The following ATRNL1 variants were observed in gnomAD, a reference collection of about 807,000 sequenced individuals.
ATRNL1 encodes attractin like 1, also known as attractin-like protein 1.
ATRNL1 carries 95 observed loss-of-function variants against 182.7 expected under a neutral mutation model. The observed-to-expected ratio is 0.52, with a 90% CI of 0.44 to 0.62. The LOEUF (loss-of-function observed/expected upper bound fraction) is 0.62. Among genes scored for constraint, ATRNL1 ranks in the 20% least tolerant of loss-of-function variants. The pLI is 0.00. For missense variants in ATRNL1, 1,471 were observed against 1,679.5 expected (o/e 0.88, Z 2.17); for synonymous variants, 576 against 568.3 (o/e 1.01, Z -0.19).
intron 26 of ATRNL1, among the ~76,000 whole-genome samples, chr10:115,677,250 A>G (rs1423325922): frequency 3.9e-5 from 6 of 152,124 alleles, no homozygotes; most frequent in African/African-American, 1.2e-4. Context: ...CATGAAAAAG[A>G]TATGGCCACA....
chr10:115,312,657 G>A (rs1554928231), intron 17 of ATRNL1, among the ~76,000 whole-genome samples: 1 of 152,120 alleles, frequency 6.6e-6, no homozygotes, highest in African/African-American at 2.4e-5. Flanking sequence ...TACATTTCTA[G>A]CAAGGCCAGG....
intron 5 of ATRNL1, among the ~76,000 whole-genome samples, chr10:115,149,256 C>T (rs1245026400): frequency 1.3e-5 from 2 of 152,144 alleles, no homozygotes; most frequent in African/African-American, 4.8e-5. Context: ...ATATACCTGG[C>T]TTCCAGGTAT....
At chr10:115,651,480 A>G (rs1859998105) in intron 26 of ATRNL1, among the ~76,000 whole-genome samples, 1 of 152,154 alleles carries the variant, frequency 6.6e-6, no homozygotes, top group Admixed American at 6.6e-5. Context: ...ACTGCTTTCA[A>G]GATTTTCTCC....
chr10:115,268,500 C>A, intron 13 of ATRNL1, 56 bp downstream of exon 13: 2 of 1,194,154 alleles, frequency 1.7e-6, no homozygotes, highest in South Asian at 2.4e-5. Context: ...GCTTTATGAT[C>A]ATTAGCTTAC....
chr10:115,370,861 C>CT (rs1167290390), intron 19 of ATRNL1, among the ~76,000 whole-genome samples: 1 of 152,176 alleles, frequency 6.6e-6, no homozygotes, highest in Non-Finnish European at 1.5e-5. Flanking sequence ...TGTCAGGGAA[C>CT]TTTCTGGCAG....
chr10:115,645,283 T>G (rs1298546272), intron 26 of ATRNL1, among the ~76,000 whole-genome samples: 4 of 151,440 alleles, frequency 2.6e-5, no homozygotes, highest in Admixed American at 1.3e-4. Flanking sequence ...AACTCATTTT[T>G]TTTAAAAAAA....
intron 24 of ATRNL1, among the ~76,000 whole-genome samples, chr10:115,506,209 C>T (rs1850104286): frequency 6.6e-6 from 1 of 152,008 alleles, no homozygotes; most frequent in South Asian, 2.1e-4. Context: ...TTAGCCACTT[C>T]AGAGGCCTTG....
At chr10:115,133,961 G>A (rs1456125580) in intron 5 of ATRNL1, among the ~76,000 whole-genome samples, 3 of 152,118 alleles carry the variant, frequency 2.0e-5, no homozygotes, top group Non-Finnish European at 2.9e-5. Context: ...GGTACATAAC[G>A]AAATGAAGGC....
intron 26 of ATRNL1, among the ~76,000 whole-genome samples, chr10:115,694,822 G>T (rs562486410): frequency 3.1e-4 from 47 of 151,576 alleles, no homozygotes; most frequent in African/African-American, 1.1e-3. Flanking sequence ...GCTTTATTTT[G>T]GGAGGGTGGA....
rs550824927 is a variant in ATRNL1, at chr10:115,606,656, G to T, written c.3795+57120G>T. 2.0e-5 allele frequency among the ~76,000 whole-genome samples: 3 copies of T among 152,036 alleles called. No individual in the cohort carries two copies. In the East Asian group the frequency reaches 5.8e-4, roughly 29 times the overall value. On this transcript the variant is annotated intron_variant, in intron 26 of 28. Transcript: ENST00000355044. ...TTGTCATGAATTGCTTTGTAATGGGGCAAGGTTATTGAGCACTACTTTTTA... is the reference window on the plus strand; with the variant it reads ...TTGTCATGAATTGCTTTGTAATGGGTCAAGGTTATTGAGCACTACTTTTTA...
chr10:115,271,436 C>T (rs974076140), intron 13 of ATRNL1, among the ~76,000 whole-genome samples: 1 of 151,730 alleles, frequency 6.6e-6, no homozygotes, highest in Non-Finnish European at 1.5e-5. Flanking sequence ...CTCCCCTCTA[C>T]CCCCACCCCA....
chr10:115,731,577 T>C (rs1322141962), intron 27 of ATRNL1, among the ~76,000 whole-genome samples: 2 of 151,242 alleles, frequency 1.3e-5, no homozygotes, highest in Non-Finnish European at 2.9e-5. Flanking sequence ...TAGTTATTAA[T>C]GTATGGTATT....
At chr10:115,120,108 T>C in intron 1 of ATRNL1, 77 bp from the exon 2 acceptor site, 1 of 882,556 alleles carries the variant, frequency 1.1e-6, no homozygotes. Flanking sequence ...TTAATGACTT[T>C]TAAATTTTCT....
intron 25 of ATRNL1, among the ~76,000 whole-genome samples, chr10:115,531,632 A>T (rs2133748345): frequency 6.6e-6 from 1 of 150,848 alleles, no homozygotes; most frequent in Non-Finnish European, 1.5e-5. Flanking sequence ...CTTGAGTTTA[A>T]TTAGATCCCA....
intron 19 of ATRNL1, among the ~76,000 whole-genome samples, chr10:115,372,758 T>C (rs932846429): frequency 6.6e-6 from 1 of 152,168 alleles, no homozygotes. Flanking sequence ...GGTATCATGG[T>C]GTTCTGATTA....
At chr10:115,119,678 G>T (rs1554871018) in intron 1 of ATRNL1, among the ~76,000 whole-genome samples, 1 of 151,922 alleles carries the variant, frequency 6.6e-6, no homozygotes, top group Non-Finnish European at 1.5e-5. Flanking sequence ...AGGAGAAAAT[G>T]ATAATAAAAA....
chr10:115,889,960 T>C (rs1185923212), intron 28 of ATRNL1, among the ~76,000 whole-genome samples: 1 of 152,190 alleles, frequency 6.6e-6, no homozygotes, highest in Non-Finnish European at 1.5e-5. Flanking sequence ...TTGGATAATG[T>C]TTCTGGTGTG....
chr10:115,485,501 C>T (rs988606514), intron 24 of ATRNL1, among the ~76,000 whole-genome samples: 4 of 151,936 alleles, frequency 2.6e-5, no homozygotes, highest in African/African-American at 7.2e-5. Flanking sequence ...GTTTAACATC[C>T]AGTCTCTCAA....
chr10:115,724,991 T>C lies in ATRNL1; in HGVS notation c.3796-2257T>C, dbSNP rs58741957. On this transcript the variant is annotated intron_variant, in intron 26 of 28. Coordinates refer to ENST00000355044, the MANE Select transcript of ATRNL1 (RefSeq NM_207303.4). ...GCTGTTTCAGCAAGGACTCTCTAAC[T>C]AGTCTTCTACTAGGTGACACAGAAT... Among the ~76,000 whole-genome samples the C allele has an allele frequency of 5.0e-3, 766 of 152,310 alleles. 6 individuals carry two copies. Among genetic ancestry groups the C allele is most frequent in the African/African-American group, 0.017 (725 of 41,582 alleles).
Sources: gnomAD v4.1 joint callset for allele counts (sites outside exome capture counted in the v4.1 genomes callset) on GRCh38, gnomAD v4.1.1 for gene constraint, MANE v1.5 for transcripts, NCBI Gene and HGNC (gene_info 2026-07-23, HGNC 2026-07-21) for gene names.